The following AGO2 variants were observed in gnomAD, a reference collection of about 807,000 sequenced individuals.
The protein encoded by AGO2 is protein argonaute-2.
In AGO2, 5 loss-of-function variants were observed where a neutral mutation model predicts 102.3. That is an observed-to-expected ratio of 0.05 (90% confidence interval 0.03 to 0.10). The LOEUF is 0.10. Among genes scored for constraint, AGO2 ranks in the 10% least tolerant of loss-of-function variants. The pLI is 1.00. For synonymous variants in AGO2, 449 were observed against 473.1 expected, an observed-to-expected ratio of 0.95 and a Z score of 0.66; for missense variants, 541 against 1,183.7, an observed-to-expected ratio of 0.46 and a Z score of 7.97.
chr8:140,532,345 A>G, intron 18 of AGO2, 71 bp downstream of exon 18: 2 of 1,529,968 alleles, frequency 1.3e-6, no homozygotes, highest in Non-Finnish European at 1.8e-6. Flanking sequence ...TTCCCCTTCC[A>G]GAAAAGCAGC....
In AGO2 at chr8:140,525,999, A is replaced by C. The variant is rs1366944956; in HGVS notation, c.*6045T>G. The C allele has an allele frequency of 1.3e-5, 2 of 152,154 alleles. No homozygotes were observed. Among genetic ancestry groups the C allele is most frequent in the Non-Finnish European group, 2.9e-5 (2 of 68,010 alleles). 9.4% of individuals were successfully genotyped at this position (152,154 alleles called of 1,614,324 possible). On this transcript the variant is annotated 3_prime_UTR_variant, in exon 19 of 19. Coordinates refer to ENST00000220592, the MANE Select transcript of AGO2 (RefSeq NM_012154.5). ...GTGGGCCCTGTGTTCTTTTCAAACA[A>C]AGGGCCCTGGATTTGAACAGAATGC...
At chr8:140,552,562 C>T (rs1287969238) in intron 10 of AGO2, among the ~76,000 whole-genome samples, 1 of 152,132 alleles carries the variant, frequency 6.6e-6, no homozygotes, top group African/African-American at 2.4e-5. Context: ...AAATCAGACA[C>T]GTGATAGAAA....
At chr8:140,613,687 A>G (rs1462512141) in intron 1 of AGO2, among the ~76,000 whole-genome samples, 1 of 152,134 alleles carries the variant, frequency 6.6e-6, no homozygotes, top group Admixed American at 6.6e-5. Flanking sequence ...CCACAAGACC[A>G]CTGCAGAAAT....
chr8:140,572,431 CCTTGAACTCCTCAGCTCAAGCCATCTT>C (rs1257696511), intron 3 of AGO2: 1 of 159,576 alleles, frequency 6.3e-6, no homozygotes, highest in Admixed American at 6.4e-5. Context: ...CTCACTTCAG[CCTTGAACTCCTCAGCTCAAGCCATCTT>C]CCTGCCTTGG....
intron 1 of AGO2, among the ~76,000 whole-genome samples, chr8:140,617,436 AG>A (rs1192742887): frequency 6.6e-6 from 1 of 152,032 alleles, no homozygotes; most frequent in Admixed American, 6.6e-5. Context: ...TATTTTTAGT[AG>A]AGACGGGGTT....
chr8:140,559,246 T>A (rs2073155443), intron 6 of AGO2, 149 bp downstream of exon 6: 1 of 973,092 alleles, frequency 1.0e-6, no homozygotes, highest in South Asian at 1.6e-5. Flanking sequence ...ATCTAACTCA[T>A]CTCCATGCTA....
In AGO2 at chr8:140,532,219, A is replaced by T. The variant is rs2072610369; in HGVS notation, c.2472-67T>A. On this transcript the variant is annotated intron_variant, in intron 18 of 18. Transcript: ENST00000220592. The stretch of plus-strand genomic sequence containing the variant: ...TAATGCACGATGAGGCAGTGCGTCG[A>T]TCACTAAGTCGGGATGGCATGGCGG... 2.7e-6 allele frequency: 4 copies of T among 1,503,940 alleles called. No individual in the cohort carries two copies. In the Admixed American group the frequency reaches 5.0e-5, roughly 19 times the overall value. The allele number at this position is 1,503,940 out of a possible 1,614,324, so 93.2% of individuals were successfully genotyped here.
intron 8 of AGO2, among the ~76,000 whole-genome samples, 164 bp from the exon 9 acceptor site, chr8:140,556,450 C>T (rs112181695): frequency 3.1e-4 from 47 of 152,284 alleles, no homozygotes; most frequent in African/African-American, 8.4e-4. Context: ...GGCTGCTCCA[C>T]GGCCTTCCGC....
chr8:140,572,748 T>C, intron 3 of AGO2, 64 bp downstream of exon 3: 1 of 1,572,788 alleles, frequency 6.4e-7, no homozygotes, highest in Non-Finnish European at 8.6e-7. Flanking sequence ...TGACAGACTT[T>C]ACAACATGTG....
intron 1 of AGO2, among the ~76,000 whole-genome samples, chr8:140,632,920 T>C (rs1043362605): frequency 3.3e-5 from 5 of 151,684 alleles, no homozygotes; most frequent in Non-Finnish European, 7.4e-5. Context: ...TTTTTTTTTT[T>C]CTTGAGATGG....
rs761915755 is a variant in AGO2 at position 140,559,508 on chromosome 8, T to C, written c.677A>G (p.Lys226Arg). 26 of 1,614,274 alleles carry C rather than the reference T, an allele frequency of 1.6e-5. No homozygotes were observed. Among genetic ancestry groups the C allele is most frequent in the Non-Finnish European group, 2.2e-5 (26 of 1,180,046 alleles). Residue 226 changes from lysine (K) to arginine (R), a missense_variant, in exon 6 of 19, where the codon AAG becomes AGG. Coordinates refer to ENST00000220592, the MANE Select transcript of AGO2 (RefSeq NM_012154.5). Reference sequence around the variant, plus strand: ...AACAAACTCGATTACTGGCTGTGCCTTGTAAAACGCTGTTGCTGACACTGT... The same window carrying C: ...AACAAACTCGATTACTGGCTGTGCCCTGTAAAACGCTGTTGCTGACACTGT... ...NIDVSATAFYKAQPVIEFVCE... is the reference protein window; with the variant it reads ...NIDVSATAFYRAQPVIEFVCE...
At chr8:140,572,723 G>T in intron 3 of AGO2, 89 bp downstream of exon 3, 2 of 1,510,770 alleles carry the variant, frequency 1.3e-6, no homozygotes, top group East Asian at 2.4e-5. Context: ...ATAGTTTCGT[G>T]TATGAGAACA....
chr8:140,565,235 C>G (rs1424111538), intron 3 of AGO2, among the ~76,000 whole-genome samples: 1 of 151,816 alleles, frequency 6.6e-6, no homozygotes, highest in African/African-American at 2.4e-5. Context: ...ATCAGGAGAT[C>G]GAGACCATCC....
chr8:140,593,148 T>C (rs1236084158), intron 1 of AGO2: 3 of 152,220 alleles, frequency 2.0e-5, no homozygotes, highest in Non-Finnish European at 4.4e-5. Context: ...CTAACACATG[T>C]ATGTTCCCTG....
chr8:140,562,617 C>T lies in AGO2; in HGVS notation c.354G>A (p.Thr118=), dbSNP rs377556379. 5 of 1,613,610 alleles carry T rather than the reference C, an allele frequency of 3.1e-6. No individual in the cohort carries two copies. Among genetic ancestry groups the T allele is most frequent in the Admixed American group, 3.3e-5 (2 of 60,006 alleles). Residue 118 remains threonine, a synonymous_variant, in exon 4 of 19, where the codon ACG becomes ACA. Transcript: ENST00000220592. ...IGRDKVELEV[T]LPGEGKDRIF... The stretch of plus-strand genomic sequence containing the variant: ...TGCGATCCTTGCCTTCTCCTGGCAG[C>T]GTGACCTCCAGCTCCACCTGCGAGG...
intron 1 of AGO2, among the ~76,000 whole-genome samples, chr8:140,616,079 T>G (rs1401839706): frequency 6.6e-6 from 1 of 152,106 alleles, no homozygotes; most frequent in Non-Finnish European, 1.5e-5. Flanking sequence ...TTGCACTGAG[T>G]CTTCCACATT....
intron 1 of AGO2, among the ~76,000 whole-genome samples, chr8:140,620,696 G>T (rs77312861): frequency 0.012 from 1,823 of 151,966 alleles, 33 homozygotes; most frequent in African/African-American, 0.04. Flanking sequence ...GAGAGACCCT[G>T]TCTCTACAAA....
chr8:140,534,709 C>A (rs1483856544), intron 17 of AGO2, among the ~76,000 whole-genome samples: 1 of 152,198 alleles, frequency 6.6e-6, no homozygotes, highest in African/African-American at 2.4e-5. Context: ...GGGTTCAAAT[C>A]CTTTAGGAAG....
intron 10 of AGO2, among the ~76,000 whole-genome samples, chr8:140,553,404 GTTTTTTGT>G (rs1319022596): frequency 5.9e-5 from 6 of 101,724 alleles, no homozygotes; most frequent in East Asian, 2.5e-4. Flanking sequence ...CAAGTTTTTT[GTTTTTTGT>G]TTTTTTTTTT....
Sources: allele counts gnomAD v4.1 joint callset (sites outside exome capture counted in the v4.1 genomes callset), GRCh38; gene constraint gnomAD v4.1.1; transcripts MANE v1.5; gene names NCBI Gene and HGNC (gene_info 2026-07-23, HGNC 2026-07-21).